Variants in CNTN5 observed in about 807,000 individuals in gnomAD.
The protein encoded by CNTN5 is contactin-5.
In CNTN5, 77 loss-of-function variants were observed where a neutral mutation model predicts 129.1. That is an observed-to-expected ratio of 0.60 (90% confidence interval 0.50 to 0.72). The LOEUF is 0.72. CNTN5 is among the 30% of genes least tolerant of loss of function. The pLI, the probability that CNTN5 is intolerant of heterozygous loss-of-function variation, is 0.00. For synonymous variants in CNTN5, 509 were observed against 465.6 expected (o/e 1.09, Z -1.20); for missense variants, 1,478 against 1,328.8 (o/e 1.11, Z -1.75).
At chr11:99,631,103 C>G (rs1951331183) in intron 3 of CNTN5, among the ~76,000 whole-genome samples, 1 of 152,052 alleles carries the variant, frequency 6.6e-6, no homozygotes, top group Non-Finnish European at 1.5e-5. Flanking sequence ...CATGACAAAC[C>G]AACAAGCAAA....
intron 3 of CNTN5, among the ~76,000 whole-genome samples, chr11:99,818,912 A>G (rs535213970): frequency 6.6e-6 from 1 of 152,170 alleles, no homozygotes; most frequent in South Asian, 2.1e-4. Context: ...AATTTCATTC[A>G]TTTTTTTATG....
chr11:100,073,342 T>C (rs970820646), intron 12 of CNTN5, among the ~76,000 whole-genome samples: 6 of 152,122 alleles, frequency 3.9e-5, no homozygotes, highest in African/African-American at 1.4e-4. Context: ...CCACCAGGCC[T>C]GGCTAATTTC....
intron 21 of CNTN5, among the ~76,000 whole-genome samples, chr11:100,310,541 G>A (rs1951450605): frequency 6.6e-6 from 1 of 151,846 alleles, no homozygotes; most frequent in Non-Finnish European, 1.5e-5. Flanking sequence ...ACAAACCAAT[G>A]AGCAAAACAA....
chr11:99,249,182 G>A (rs1272973297), intron 1 of CNTN5, among the ~76,000 whole-genome samples: 2 of 151,920 alleles, frequency 1.3e-5, no homozygotes, highest in Admixed American at 1.3e-4. Flanking sequence ...GGTCTTTCAT[G>A]TCCCTTGTAA....
chr11:100,245,555 G>GTGGTTGACTCCCT (rs1949824150), intron 16 of CNTN5, among the ~76,000 whole-genome samples: 1 of 152,044 alleles, frequency 6.6e-6, no homozygotes, highest in Non-Finnish European at 1.5e-5. Context: ...CAAGTAGAGT[G>GTGGTTGACTCCCT]AATATTAGGG....
At chr11:100,149,219 A>G (rs990654221) in intron 13 of CNTN5, among the ~76,000 whole-genome samples, 1 of 150,370 alleles carries the variant, frequency 6.7e-6, no homozygotes, top group African/African-American at 2.5e-5. Context: ...TTCTGTTCCA[A>G]GTTTTCATAT....
chr11:99,178,558 G>A (rs1004787755), intron 1 of CNTN5, among the ~76,000 whole-genome samples: 2 of 151,916 alleles, frequency 1.3e-5, no homozygotes, highest in African/African-American at 4.8e-5. Context: ...TTTAGAGACA[G>A]GAGAAATAAG....
At chr11:99,330,200 G>A (rs1310555587) in intron 2 of CNTN5, among the ~76,000 whole-genome samples, 1 of 150,610 alleles carries the variant, frequency 6.6e-6, no homozygotes, top group African/African-American at 2.4e-5. Flanking sequence ...CAAGGAGGAA[G>A]GGAGGAAGGA....
intron 9 of CNTN5, among the ~76,000 whole-genome samples, chr11:100,015,323 A>C (rs1940766327): frequency 1.3e-5 from 2 of 152,136 alleles, no homozygotes; most frequent in Admixed American, 1.3e-4. Flanking sequence ...AAATTTCAGA[A>C]ACAATTTTTC....
At chr11:99,998,994 C>G (rs987912708) in intron 8 of CNTN5, among the ~76,000 whole-genome samples, 1 of 152,010 alleles carries the variant, frequency 6.6e-6, no homozygotes, top group Non-Finnish European at 1.5e-5. Flanking sequence ...ACACCTTATA[C>G]AAAAATTAAT....
intron 8 of CNTN5, among the ~76,000 whole-genome samples, chr11:100,000,512 T>C (rs2137466111): frequency 6.6e-6 from 1 of 152,322 alleles, no homozygotes. Flanking sequence ...CACCTCTGGC[T>C]CTTTCATGGG....
At chr11:99,181,429 C>A (rs796862353) in intron 1 of CNTN5, among the ~76,000 whole-genome samples, 4 of 152,298 alleles carry the variant, frequency 2.6e-5, no homozygotes, top group African/African-American at 9.6e-5. Flanking sequence ...TATCCCACCC[C>A]CATTGGTATT....
intron 3 of CNTN5, among the ~76,000 whole-genome samples, chr11:99,812,923 T>C (rs1292260650): frequency 2.0e-5 from 3 of 152,092 alleles, no homozygotes; most frequent in Non-Finnish European, 4.4e-5. Context: ...TTACATGTAT[T>C]ATAGTTCTTG....
intron 4 of CNTN5, among the ~76,000 whole-genome samples, chr11:99,843,038 C>G (rs1947564812): frequency 6.6e-6 from 1 of 152,128 alleles, no homozygotes; most frequent in African/African-American, 2.4e-5. Context: ...TGAGACCAGC[C>G]TGGCCAACAT....
chr11:100,020,161 T>C (rs185437811), intron 9 of CNTN5, among the ~76,000 whole-genome samples: 90 of 152,206 alleles, frequency 5.9e-4, no homozygotes, highest in African/African-American at 2.1e-3. Flanking sequence ...TTTGTTCATA[T>C]TTGCTTTGTT....
chr11:99,415,929 ATTTTTCCAGTG>A (rs943348943), intron 2 of CNTN5, among the ~76,000 whole-genome samples: 14 of 152,132 alleles, frequency 9.2e-5, no homozygotes, highest in African/African-American at 3.4e-4. Context: ...TCTGCTCTTG[ATTTTTCCAGTG>A]TTTATTTATT....
intron 3 of CNTN5, among the ~76,000 whole-genome samples, chr11:99,699,271 G>T (rs1205544277): frequency 6.6e-6 from 1 of 151,304 alleles, no homozygotes; most frequent in Non-Finnish European, 1.5e-5. Flanking sequence ...TACAACATTT[G>T]CTACTTATAT....
At chr11:99,440,017 G>A (rs1283866002) in intron 2 of CNTN5, among the ~76,000 whole-genome samples, 3 of 152,106 alleles carry the variant, frequency 2.0e-5, no homozygotes, top group Non-Finnish European at 2.9e-5. Flanking sequence ...GCATTAAGAT[G>A]ATTGAATACC....
chr11:99,161,889 C>T lies in CNTN5; in HGVS notation c.-210+140619C>T, dbSNP rs113843656. On this transcript the variant is annotated intron_variant, in intron 1 of 24. Transcript: ENST00000524871. ...TTTTACCACTGTTGGGACTGCTATT[C>T]TCCTCATCACTCTTCAAGTAAAACA... is the stretch of plus-strand genomic sequence containing the variant. 1.7e-4 allele frequency among the ~76,000 whole-genome samples: 26 copies of T among 152,230 alleles called. 1 individual carries two copies. The highest frequency in any genetic ancestry group is 5.5e-4 in the African/African-American group (23 of 41,540).
Sources: allele counts gnomAD v4.1 joint callset (sites outside exome capture counted in the v4.1 genomes callset), GRCh38; gene constraint gnomAD v4.1.1; transcripts MANE v1.5; gene names NCBI Gene and HGNC (gene_info 2026-07-23, HGNC 2026-07-21).